Variants in IQCM observed in about 807,000 individuals in gnomAD.
The protein encoded by IQCM is IQ domain-containing protein M.
A neutral mutation model predicts 57.6 loss-of-function variants in IQCM; 45 were observed. The observed-to-expected ratio is 0.78, with a 90% CI of 0.62 to 1.00. The LOEUF is 1.00. Among genes scored for constraint, IQCM ranks in the 50% least tolerant of loss-of-function variants. The probability of loss-of-function intolerance (pLI) is 0.00; values close to 1 mark genes in which losing one functional copy is unlikely to be tolerated. For synonymous variants in IQCM, 148 were observed against 158.9 expected, an observed-to-expected ratio of 0.93 and a Z score of 0.51; for missense variants, 468 against 511.6, an observed-to-expected ratio of 0.91 and a Z score of 0.82.
intron 3 of IQCM, among the ~76,000 whole-genome samples, chr4:149,735,851 A>C (rs554870533): frequency 6.6e-6 from 1 of 152,298 alleles, no homozygotes. Context: ...TATAACTGTA[A>C]AATAAAATAC....
chr4:149,690,945 G>A (rs946123384), intron 5 of IQCM: 5 of 152,076 alleles, frequency 3.3e-5, no homozygotes, highest in Admixed American at 3.3e-4. Context: ...AACTTCAGGG[G>A]ATTCATCAGT....
chr4:149,425,564 G>A (rs1734408192), intron 13 of IQCM, among the ~76,000 whole-genome samples: 1 of 151,936 alleles, frequency 6.6e-6, no homozygotes, highest in Non-Finnish European at 1.5e-5. Context: ...AGTAAATAGA[G>A]GAAATTTGCC....
chr4:149,574,762 C>T (rs1223657861), intron 9 of IQCM, among the ~76,000 whole-genome samples: 1 of 151,866 alleles, frequency 6.6e-6, no homozygotes, highest in Non-Finnish European at 1.5e-5. Flanking sequence ...TTAGTTTTGG[C>T]TGATATTGAA....
At chr4:149,690,565 A>T (rs1056305662) in intron 5 of IQCM, among the ~76,000 whole-genome samples, 7 of 152,060 alleles carry the variant, frequency 4.6e-5, no homozygotes, top group Non-Finnish European at 1.0e-4. Flanking sequence ...CCCCAATAAC[A>T]TATAGAAAAA....
At chr4:149,386,905 C>T (rs190780093) in intron 13 of IQCM, among the ~76,000 whole-genome samples, 7 of 152,106 alleles carry the variant, frequency 4.6e-5, no homozygotes, top group Non-Finnish European at 8.8e-5. Flanking sequence ...GATTTAATAT[C>T]TTTTTGTATC....
At chr4:149,750,553 A>G (rs187482302) in intron 2 of IQCM, among the ~76,000 whole-genome samples, 159 of 152,326 alleles carry the variant, frequency 1.0e-3, no homozygotes, top group African/African-American at 3.6e-3. Flanking sequence ...ATATTTTATG[A>G]AGAGTCCCGT....
chr4:149,535,379 T>C (rs1170198253), intron 12 of IQCM, among the ~76,000 whole-genome samples: 1 of 152,060 alleles, frequency 6.6e-6, no homozygotes, highest in East Asian at 1.9e-4. Context: ...TGGCTAAGTT[T>C]TTCTCATCAG....
chr4:149,715,058 A>T (rs1227679783), intron 5 of IQCM, among the ~76,000 whole-genome samples: 1 of 152,232 alleles, frequency 6.6e-6, no homozygotes, highest in Non-Finnish European at 1.5e-5. Flanking sequence ...CAGAAAACAA[A>T]ACCATGGATA....
intron 7 of IQCM, among the ~76,000 whole-genome samples, chr4:149,652,571 G>A (rs1018604222): frequency 6.6e-6 from 1 of 151,980 alleles, no homozygotes; most frequent in Non-Finnish European, 1.5e-5. Flanking sequence ...AAAAGCTGAG[G>A]AGAGATAATG....
chr4:149,812,428 C>G (rs1774647301), intron 2 of IQCM, among the ~76,000 whole-genome samples: 1 of 149,664 alleles, frequency 6.7e-6, no homozygotes, highest in African/African-American at 2.5e-5. Flanking sequence ...TAAATTTCTT[C>G]CTTTCATTTT....
At chr4:149,401,372 GA>G (rs1354241366) in intron 13 of IQCM, among the ~76,000 whole-genome samples, 3 of 151,700 alleles carry the variant, frequency 2.0e-5, no homozygotes, top group African/African-American at 2.4e-5. Context: ...CAGACTTTGA[GA>G]ATCCAGTCCC....
At chr4:149,438,985 G>T (rs977328649) in intron 12 of IQCM, among the ~76,000 whole-genome samples, 7 of 151,804 alleles carry the variant, frequency 4.6e-5, no homozygotes, top group Non-Finnish European at 8.8e-5. Context: ...TATAAAATGA[G>T]GTTATGAATT....
At chr4:149,407,365 T>C (rs1233363448) in intron 13 of IQCM, among the ~76,000 whole-genome samples, 1 of 152,194 alleles carries the variant, frequency 6.6e-6, no homozygotes, top group Non-Finnish European at 1.5e-5. Flanking sequence ...AGTGCAGTTG[T>C]GTTACATGAT....
intron 12 of IQCM, among the ~76,000 whole-genome samples, chr4:149,518,461 A>G (rs1745224785): frequency 6.6e-6 from 1 of 152,186 alleles, no homozygotes; most frequent in African/African-American, 2.4e-5. Context: ...AGCTCCCCAG[A>G]AAGGAAGTAA....
chr4:149,658,221 T>C (rs1294871960), intron 7 of IQCM, among the ~76,000 whole-genome samples: 1 of 152,052 alleles, frequency 6.6e-6, no homozygotes, highest in Non-Finnish European at 1.5e-5. Context: ...TTCATGTAGA[T>C]ATCCAATTTC....
chr4:149,542,246 T>A (rs1267749391), intron 12 of IQCM, among the ~76,000 whole-genome samples: 1 of 152,106 alleles, frequency 6.6e-6, no homozygotes, highest in Non-Finnish European at 1.5e-5. Flanking sequence ...AAAAATATGC[T>A]TTTAAATTAA....
chr4:149,634,493 A>G (rs1384868641), intron 7 of IQCM, among the ~76,000 whole-genome samples: 1 of 152,218 alleles, frequency 6.6e-6, no homozygotes, highest in African/African-American at 2.4e-5. Flanking sequence ...CATGGATGAC[A>G]TCTAAAATTA....
intron 12 of IQCM, among the ~76,000 whole-genome samples, chr4:149,547,364 C>T (rs1395782466): frequency 6.6e-6 from 1 of 152,256 alleles, no homozygotes; most frequent in African/African-American, 2.4e-5. Flanking sequence ...ACTTGGAAGA[C>T]ATTATGTTAA....
At chr4:149,655,854 C>A (rs963716199) in intron 7 of IQCM, among the ~76,000 whole-genome samples, 2 of 152,132 alleles carry the variant, frequency 1.3e-5, no homozygotes, top group African/African-American at 4.8e-5. Flanking sequence ...ACTTTATAAG[C>A]CCCTCCTACA....
Sources: gnomAD v4.1 joint callset for allele counts (sites outside exome capture counted in the v4.1 genomes callset) on GRCh38, gnomAD v4.1.1 for gene constraint, MANE v1.5 for transcripts, NCBI Gene and HGNC (gene_info 2026-07-23, HGNC 2026-07-21) for gene names.